CIAO2A: variants seen among roughly 807,000 people sequenced by gnomAD.
CIAO2A encodes MIP18 family protein FAM96A.
A neutral mutation model predicts 22.4 loss-of-function variants in CIAO2A; 17 were observed. The observed-to-expected ratio is 0.76, with a 90% CI of 0.52 to 1.14. The LOEUF is 1.14. Among genes scored for constraint, CIAO2A ranks in the 50% most tolerant of loss-of-function variants. CIAO2A has a pLI of 0.00. For synonymous variants in CIAO2A, 74 were observed against 72.3 expected (o/e 1.02, Z -0.12); for missense variants, 192 against 191.4 (o/e 1.00, Z -0.02).
intron 3 of CIAO2A, 133 bp downstream of exon 3, chr15:64,080,969 A>G (rs573768479): frequency 2.7e-6 from 2 of 745,910 alleles, no homozygotes; most frequent in Non-Finnish European, 4.3e-6. Flanking sequence ...CTAAATGTCC[A>G]TCAACTGAGT....
At chr15:64,081,905 A>C (rs2080761723) in intron 2 of CIAO2A, among the ~76,000 whole-genome samples, 1 of 152,150 alleles carries the variant, frequency 6.6e-6, no homozygotes, top group Non-Finnish European at 1.5e-5. Flanking sequence ...AACAAGTCAA[A>C]GCCATTTTAA....
intron 3 of CIAO2A, among the ~76,000 whole-genome samples, chr15:64,080,219 C>G (rs1403360967): frequency 6.6e-6 from 1 of 151,686 alleles, no homozygotes; most frequent in Non-Finnish European, 1.5e-5. Context: ...AACCCTGTCT[C>G]TACTAAAAAT....
At position 64,093,625 on chromosome 15, in the gene CIAO2A, T is replaced by C. The variant is rs1165602939; in HGVS notation, c.124+20A>G. On this transcript the variant is annotated intron_variant, in intron 1 of 4. Coordinates refer to ENST00000300030, the MANE Select transcript of CIAO2A (RefSeq NM_032231.7). ...CCTGCACCTATAACGCCAAATGCTGTGCTGGGTAAAATTAATTACCATAAA... is the reference window on the plus strand; with the variant it reads ...CCTGCACCTATAACGCCAAATGCTGCGCTGGGTAAAATTAATTACCATAAA... 1 of 1,605,162 alleles carries C rather than the reference T, an allele frequency of 6.2e-7. No individual in the cohort carries two copies. The highest frequency in any genetic ancestry group is 1.7e-5 in the Admixed American group (1 of 59,694).
intron 1 of CIAO2A, among the ~76,000 whole-genome samples, chr15:64,093,142 C>G (rs2080856433): frequency 6.6e-6 from 1 of 152,334 alleles, no homozygotes; most frequent in Non-Finnish European, 1.5e-5. Context: ...TCTCTTCTTT[C>G]GGGGACCTCT....
At chr15:64,080,999 C>G (rs2080755280) in intron 3 of CIAO2A, 103 bp downstream of exon 3, 2 of 1,141,808 alleles carry the variant, frequency 1.8e-6, no homozygotes, top group Admixed American at 4.7e-5. Flanking sequence ...GCAAAAACCA[C>G]TGAATTGGTA....
chr15:64,089,351 C>T (rs886503101), intron 1 of CIAO2A, among the ~76,000 whole-genome samples: 4 of 151,960 alleles, frequency 2.6e-5, no homozygotes, highest in African/African-American at 9.7e-5. Flanking sequence ...AATGAGACCC[C>T]CGTCTCTACA....
At chr15:64,077,255 G>A (rs544725504) in intron 3 of CIAO2A, among the ~76,000 whole-genome samples, 4 of 152,234 alleles carry the variant, frequency 2.6e-5, no homozygotes, top group East Asian at 1.9e-4. Context: ...CTGAGACTGC[G>A]CCACTGCACT....
chr15:64,076,039 T>A (rs2080715172), intron 3 of CIAO2A, among the ~76,000 whole-genome samples: 2 of 151,366 alleles, frequency 1.3e-5, no homozygotes, highest in African/African-American at 4.8e-5. Flanking sequence ...AGGACTGAAA[T>A]GAGTAGGATT....
intron 3 of CIAO2A, among the ~76,000 whole-genome samples, chr15:64,076,723 CTTT>C (rs556233822): frequency 2.8e-4 from 32 of 115,132 alleles, no homozygotes; most frequent in East Asian, 1.1e-3. Flanking sequence ...CTAGTCCAAT[CTTT>C]TTTTTTTTTT....
At chr15:64,075,388 T>C (rs1454704815) in intron 4 of CIAO2A, 104 bp downstream of exon 4, 4 of 714,812 alleles carry the variant, frequency 5.6e-6, no homozygotes, top group Non-Finnish European at 9.0e-6. Context: ...TTGTGCACTT[T>C]TTTGAAAGTA....
At chr15:64,083,796 T>C (rs1398779740) in intron 2 of CIAO2A, among the ~76,000 whole-genome samples, 1 of 151,604 alleles carries the variant, frequency 6.6e-6, no homozygotes. Context: ...TACAAAAAAT[T>C]AGTTGGGCAT....
chr15:64,085,817 T>A (rs2080790180), intron 2 of CIAO2A, among the ~76,000 whole-genome samples: 1 of 151,974 alleles, frequency 6.6e-6, no homozygotes, highest in Non-Finnish European at 1.5e-5. Flanking sequence ...CAAGCGATTC[T>A]CCTGCCTCAG....
At chr15:64,089,959 C>T (rs1299964801) in intron 1 of CIAO2A, among the ~76,000 whole-genome samples, 2 of 152,162 alleles carry the variant, frequency 1.3e-5, no homozygotes, top group Non-Finnish European at 2.9e-5. Flanking sequence ...TTTAAAACAG[C>T]ATCAAAGCTA....
At chr15:64,075,315 GC>G (rs1301724373) in intron 4 of CIAO2A, 176 bp downstream of exon 4, 1 of 515,568 alleles carries the variant, frequency 1.9e-6, no homozygotes, top group East Asian at 3.5e-5. Flanking sequence ...GGAGTCCACT[GC>G]AAAAATTACT....
intron 2 of CIAO2A, among the ~76,000 whole-genome samples, chr15:64,084,543 G>A (rs1444226982): frequency 2.0e-5 from 3 of 152,108 alleles, no homozygotes; most frequent in Non-Finnish European, 4.4e-5. Flanking sequence ...GCCAAGGCAG[G>A]CGGATCACCT....
At chr15:64,080,416 C>A (rs981608861) in intron 3 of CIAO2A, among the ~76,000 whole-genome samples, 4 of 151,774 alleles carry the variant, frequency 2.6e-5, no homozygotes, top group African/African-American at 9.7e-5. Flanking sequence ...GGCACAGTGG[C>A]TCATGCCTGT....
chr15:64,077,275 G>C (rs1464345621), intron 3 of CIAO2A, among the ~76,000 whole-genome samples: 1 of 151,822 alleles, frequency 6.6e-6, no homozygotes, highest in African/African-American at 2.4e-5. Flanking sequence ...TCCAGCCTGG[G>C]TGACAGAGCG....
chr15:64,073,577 G>A (rs1479150667), intron 4 of CIAO2A, among the ~76,000 whole-genome samples: 1 of 151,984 alleles, frequency 6.6e-6, no homozygotes, highest in African/African-American at 2.4e-5. Context: ...TATCAGTTTG[G>A]CAACAATACC....
chr15:64,090,927 T>C (rs972220600), intron 1 of CIAO2A, among the ~76,000 whole-genome samples: 5 of 152,088 alleles, frequency 3.3e-5, no homozygotes, highest in African/African-American at 7.2e-5. Context: ...GAAGTCTCAG[T>C]TGGCCTTGGA....
Sources: allele counts gnomAD v4.1 joint callset (sites outside exome capture counted in the v4.1 genomes callset), GRCh38; gene constraint gnomAD v4.1.1; transcripts MANE v1.5; gene names NCBI Gene and HGNC (gene_info 2026-07-23, HGNC 2026-07-21).